SLC11A2: variants seen among roughly 807,000 people sequenced by gnomAD.
SLC11A2 encodes natural resistance-associated macrophage protein 2.
In SLC11A2, 38 loss-of-function variants were observed where a neutral mutation model predicts 68.0. That is an observed-to-expected ratio of 0.56 (90% CI 0.43 to 0.73). SLC11A2 has a LOEUF of 0.73. Among genes scored for constraint, SLC11A2 ranks in the 30% least tolerant of loss-of-function variants. SLC11A2 has a pLI of 0.00. For synonymous variants in SLC11A2, 242 were observed against 250.6 expected, an observed-to-expected ratio of 0.97 and a Z score of 0.32; for missense variants, 517 against 690.5, an observed-to-expected ratio of 0.75 and a Z score of 2.82.
downstream of SLC11A2, among the ~76,000 whole-genome samples, chr12:50,983,994 T>G (rs1296724603): frequency 6.6e-6 from 1 of 150,668 alleles, no homozygotes; most frequent in African/African-American, 2.4e-5. Context: ...CCAGGCATGG[T>G]GGTGGGCACC....
intron 1 of SLC11A2, among the ~76,000 whole-genome samples, chr12:51,016,438 C>T (rs966700125): frequency 2.0e-5 from 3 of 151,790 alleles, no homozygotes; most frequent in African/African-American, 7.3e-5. Context: ...AATCCCAGCA[C>T]TTTGGGAGGC....
chr12:50,959,900 TCAA>T, the SLC11A2 span, among the ~76,000 whole-genome samples: 1 of 152,224 alleles, frequency 6.6e-6, no homozygotes, highest in Non-Finnish European at 1.5e-5. Context: ...TCCACCCGCC[TCAA>T]CCTCCCAAAG....
In SLC11A2 at chr12:51,004,859, G is replaced by T; in HGVS notation, c.358C>A (p.Arg120=). Residue 120 remains arginine (R), a synonymous_variant, in exon 5 of 16, where the codon CGG becomes AGG. Coordinates refer to ENST00000262052, the MANE Select transcript of SLC11A2 (RefSeq NM_000617.3). ...LATLVGLLLQ[R]LAARLGVVTG... is the part of the protein sequence containing the mutation. ...ACCACTCCCAGTCTAGCTGCAAGCC[G>T]CTGGAGCAGCAGCCCCACAAGGGTG... 1 of 1,614,006 alleles carries T rather than the reference G, an allele frequency of 6.2e-7. No homozygotes were observed. The highest frequency in any genetic ancestry group is 8.5e-7 in the Non-Finnish European group (1 of 1,179,884).
Position 50,988,244 on chromosome 12 carries a change from A to G in SLC11A2, c.*81T>C, listed in dbSNP as rs1394457676. On this transcript the variant is annotated 3_prime_UTR_variant, in exon 16 of 16. Transcript: ENST00000262052. ...AAACACAGTCTGTGCAACGGCACAT[A>G]CTTTTGGCTATGTTCACACAGTAAA... 3 of 1,606,872 alleles carry G rather than the reference A, an allele frequency of 1.9e-6. No homozygotes were observed. The highest frequency in any genetic ancestry group is 2.5e-6 in the Non-Finnish European group (3 of 1,176,738).
At chr12:50,970,696 T>C in the SLC11A2 span, among the ~76,000 whole-genome samples, 2 of 152,280 alleles carry the variant, frequency 1.3e-5, no homozygotes, top group South Asian at 4.1e-4. Flanking sequence ...AACTCAGAAA[T>C]ATCCCGTGTT....
downstream of SLC11A2, among the ~76,000 whole-genome samples, chr12:50,983,892 T>G (rs1940295095): frequency 1.3e-5 from 2 of 151,820 alleles, no homozygotes; most frequent in African/African-American, 4.8e-5. Context: ...TGCTTGAACC[T>G]GGGAAGGGAA....
chr12:50,953,492 C>T, the SLC11A2 span, among the ~76,000 whole-genome samples: 3 of 152,202 alleles, frequency 2.0e-5, no homozygotes, highest in African/African-American at 7.2e-5. Flanking sequence ...ACAGTAGGTG[C>T]TTGGTAAATA....
At chr12:51,025,685 T>G in intron 1 of SLC11A2, 1 of 860,834 alleles carries the variant, frequency 1.2e-6, no homozygotes, top group Non-Finnish European at 1.4e-6. Context: ...ATGTGCAATA[T>G]CCCCCTGTAG....
chr12:50,987,130 C>G lies in SLC11A2; in HGVS notation c.*1195G>C. On this transcript the variant is annotated 3_prime_UTR_variant, in exon 16 of 16. Transcript: ENST00000262052. The stretch of plus-strand genomic sequence containing the variant: ...AGCTTTGTGCTGAAGACACCCATTT[C>G]CTCTGACTCCAGAGCTCCACCATCT... The G allele has an allele frequency of 7.8e-7, 1 of 1,283,494 alleles. No homozygotes were observed. Among genetic ancestry groups the G allele is most frequent in the Non-Finnish European group, 1.0e-6 (1 of 986,984 alleles). 79.5% of individuals were successfully genotyped at this position (1,283,494 alleles called of 1,614,324 possible).
intron 12 of SLC11A2, among the ~76,000 whole-genome samples, 156 bp downstream of exon 12, chr12:50,992,654 C>A (rs1204351257): frequency 1.3e-5 from 2 of 150,850 alleles, no homozygotes; most frequent in African/African-American, 4.9e-5. Flanking sequence ...ATCACTTGAA[C>A]CCGGGAGGTG....
Position 51,026,348 on chromosome 12 carries a change from G to C in SLC11A2, c.-77C>G, listed in dbSNP as rs1417160196. 7.8e-7 allele frequency: 1 copy of C among 1,280,642 alleles called. No individual in the cohort carries two copies. Among genetic ancestry groups the C allele is most frequent in the African/African-American group, 1.5e-5 (1 of 65,646 alleles). 79.3% of individuals were successfully genotyped at this position (1,280,642 alleles called of 1,614,324 possible). A position where few individuals can be genotyped will look rare whatever the true frequency, so the allele number is the denominator to read the frequency against. On this transcript the variant is annotated 5_prime_UTR_variant, in exon 1 of 16. Transcript: ENST00000262052. ...CAACCACCTGACACGCCGCCCCCGC[G>C]CCCAGGGCTCCATATTCCGGGAGCC...
intron 5 of SLC11A2, 34 bp from the exon 6 acceptor site, chr12:51,000,453 A>G: frequency 2.6e-6 from 4 of 1,509,646 alleles, no homozygotes; most frequent in Non-Finnish European, 3.7e-6. Flanking sequence ...CACGGTTCTG[A>G]TTAATCATTT....
At chr12:51,017,812 C>G (rs1030661131) in intron 1 of SLC11A2, among the ~76,000 whole-genome samples, 3 of 152,168 alleles carry the variant, frequency 2.0e-5, no homozygotes, top group African/African-American at 7.2e-5. Flanking sequence ...TATTAAAAAT[C>G]CCCTCTCAGG....
At chr12:50,971,366 T>G in the SLC11A2 span, among the ~76,000 whole-genome samples, 1 of 150,962 alleles carries the variant, frequency 6.6e-6, no homozygotes, top group East Asian at 1.9e-4. Flanking sequence ...ATACAGAAAC[T>G]TGACTATTTT....
intron 12 of SLC11A2, 72 bp from the exon 13 acceptor site, chr12:50,992,411 G>A (rs945363105): frequency 2.2e-6 from 3 of 1,392,544 alleles, no homozygotes; most frequent in Non-Finnish European, 3.0e-6. Context: ...AGGTTCAGGA[G>A]AGACCTCAGA....
intron 1 of SLC11A2, among the ~76,000 whole-genome samples, chr12:51,022,354 G>A (rs1285987340): frequency 2.7e-5 from 4 of 149,074 alleles, no homozygotes; most frequent in Non-Finnish European, 5.9e-5. Flanking sequence ...GGAGGATTGC[G>A]TGAGCCCAAA....
the SLC11A2 span, among the ~76,000 whole-genome samples, chr12:50,970,854 C>T: frequency 3.3e-5 from 5 of 151,254 alleles, no homozygotes; most frequent in Admixed American, 3.3e-4. Context: ...ATAATGGTTA[C>T]AGAAGACTTC....
At chr12:50,955,511 A>G in the SLC11A2 span, among the ~76,000 whole-genome samples, 3 of 152,166 alleles carry the variant, frequency 2.0e-5, no homozygotes, top group Admixed American at 6.6e-5. Context: ...AACTATTAAA[A>G]TAGTTTACTT....
At chr12:50,964,180 T>G in the SLC11A2 span, among the ~76,000 whole-genome samples, 2 of 152,212 alleles carry the variant, frequency 1.3e-5, no homozygotes, top group Admixed American at 1.3e-4. Context: ...ATAAATGCAT[T>G]CATATCAAAA....
Sources: gnomAD v4.1 joint callset for allele counts (sites outside exome capture counted in the v4.1 genomes callset) on GRCh38, gnomAD v4.1.1 for gene constraint, MANE v1.5 for transcripts, NCBI Gene and HGNC (gene_info 2026-07-23, HGNC 2026-07-21) for gene names.